Variants in ZYG11B observed in about 807,000 individuals in gnomAD.
ZYG11B encodes the protein zyg-11 family member B, cell cycle regulator.
ZYG11B carries 36 observed loss-of-function variants against 82.4 expected under a neutral mutation model. That is an observed-to-expected ratio of 0.44 (90% confidence interval 0.33 to 0.58). The LOEUF (loss-of-function observed/expected upper bound fraction) is 0.58. Among genes scored for constraint, ZYG11B ranks in the 20% least tolerant of loss-of-function variants. The pLI is 0.02. For synonymous variants in ZYG11B, 303 were observed against 312.8 expected, an observed-to-expected ratio of 0.97 and a Z score of 0.33; for missense variants, 552 against 895.6, an observed-to-expected ratio of 0.62 and a Z score of 4.90.
At chr1:52,744,877 G>T (rs1272093894) in intron 1 of ZYG11B, among the ~76,000 whole-genome samples, 1 of 152,082 alleles carries the variant, frequency 6.6e-6, no homozygotes, top group East Asian at 1.9e-4. Context: ...TCATTTTTGT[G>T]CCTCAGCTTT....
chr1:52,765,191 T>A (rs1644671720), intron 2 of ZYG11B, among the ~76,000 whole-genome samples: 1 of 151,208 alleles, frequency 6.6e-6, no homozygotes, highest in Admixed American at 6.6e-5. Context: ...CCAGCCTATC[T>A]TTTTTTTTAA....
chr1:52,801,746 G>A, intron 8 of ZYG11B, 73 bp from the exon 9 acceptor site: 1 of 1,256,044 alleles, frequency 8.0e-7, no homozygotes. Context: ...TCATGGACTT[G>A]GGGTTATTAA....
rs1414505919 is a variant in ZYG11B at position 52,822,537 on chromosome 1, TC to T, written c.*909del. On this transcript the variant is annotated 3_prime_UTR_variant, in exon 14 of 14. Transcript: ENST00000294353. ...TCCTCTATTTCAAAGTCATTTTTGTTCAGTGGAATAGAGACAGCAACATGGT... is the reference window on the plus strand; with the variant it reads ...TCCTCTATTTCAAAGTCATTTTTGTTAGTGGAATAGAGACAGCAACATGGT... 7.2e-5 allele frequency: 11 copies of T among 152,238 alleles called. No individual in the cohort carries two copies. The highest frequency in any genetic ancestry group is 1.3e-4 in the Non-Finnish European group (9 of 68,042). The allele number at this position is 152,238 out of a possible 1,614,324, so 9.4% of individuals were successfully genotyped here.
At chr1:52,754,082 G>C (rs1420154740) in intron 1 of ZYG11B, among the ~76,000 whole-genome samples, 1 of 149,654 alleles carries the variant, frequency 6.7e-6, no homozygotes, top group Non-Finnish European at 1.5e-5. Flanking sequence ...CTTGAGTGCA[G>C]TGGCACCATC....
intron 13 of ZYG11B, among the ~76,000 whole-genome samples, chr1:52,817,059 C>T (rs1206391974): frequency 6.6e-6 from 1 of 152,020 alleles, no homozygotes; most frequent in African/African-American, 2.4e-5. Context: ...GCCTAAGCCT[C>T]CCAAAGTGCT....
intron 1 of ZYG11B, among the ~76,000 whole-genome samples, chr1:52,753,495 T>C (rs1283391528): frequency 6.6e-6 from 1 of 151,644 alleles, no homozygotes; most frequent in Admixed American, 6.6e-5. Flanking sequence ...TCTTGGCTTA[T>C]TGCAATCTCC....
intron 1 of ZYG11B, among the ~76,000 whole-genome samples, chr1:52,739,763 G>A (rs1644409201): frequency 6.6e-6 from 1 of 151,658 alleles, no homozygotes; most frequent in South Asian, 2.1e-4. Context: ...CCACCCCCAT[G>A]CCTGGCTAAT....
At chr1:52,755,944 C>T (rs1242102290) in intron 1 of ZYG11B, among the ~76,000 whole-genome samples, 3 of 152,004 alleles carry the variant, frequency 2.0e-5, no homozygotes, top group Non-Finnish European at 2.9e-5. Flanking sequence ...GAACTACAGG[C>T]GTCCACCACC....
intron 1 of ZYG11B, among the ~76,000 whole-genome samples, chr1:52,746,184 C>A (rs1487682728): frequency 6.6e-6 from 1 of 151,452 alleles, no homozygotes; most frequent in Admixed American, 6.6e-5. Flanking sequence ...ATGGTCTCGA[C>A]CTCGTGATCC....
intron 8 of ZYG11B, among the ~76,000 whole-genome samples, chr1:52,797,399 A>G (rs1226476251): frequency 1.9e-5 from 2 of 104,704 alleles, no homozygotes; most frequent in African/African-American, 8.4e-5. Flanking sequence ...TATATCATAT[A>G]TGAAATATAT....
At chr1:52,743,262 G>A (rs1339236840) in intron 1 of ZYG11B, among the ~76,000 whole-genome samples, 5 of 151,702 alleles carry the variant, frequency 3.3e-5, no homozygotes, top group Admixed American at 1.3e-4. Context: ...CAAACACTGC[G>A]GAAGGCCGCA....
Position 52,803,169 on chromosome 1 carries a change from CACACATATATATATATAT to C in ZYG11B, c.1695+1048_1695+1065del, listed in dbSNP as rs1558140305. ...ATATATATATACACATATATATATA[CACACATATATATATATAT>C]ACACATATATATATATACACACACA... On this transcript the variant is annotated intron_variant, in intron 10 of 13. Transcript: ENST00000294353. Among the ~76,000 whole-genome samples, 185 of 33,788 alleles carry C rather than the reference CACACATATATATATATAT, an allele frequency of 5.5e-3. 6 individuals are homozygous for C. The highest frequency in any genetic ancestry group is 0.029 in the African/African-American group (175 of 6,062). 22.2% of individuals were successfully genotyped at this position (33,788 alleles called of 152,430 possible). A position where few individuals can be genotyped will look rare whatever the true frequency, so the allele number is the denominator to read the frequency against.
At chr1:52,767,437 T>G (rs1334945064) in intron 2 of ZYG11B, among the ~76,000 whole-genome samples, 2 of 152,144 alleles carry the variant, frequency 1.3e-5, no homozygotes, top group East Asian at 3.8e-4. Context: ...CCCAAGTAGC[T>G]GAGATTACAG....
rs1645201454 is a variant in ZYG11B, at chr1:52,813,598, C to T, written c.1758C>T (p.His586=). The change falls in exon 11 of 14, where the codon CAC becomes CAT. Residue 586 remains histidine, a synonymous_variant. Coordinates refer to ENST00000294353, the MANE Select transcript of ZYG11B (RefSeq NM_024646.3). ...SELMWKDFID[H]ISSLLHSVEV... ...TAATGTGGAAAGATTTTATAGACCA[C>T]ATCAGTAGTCTCCTACACAGTGTGG... is the stretch of plus-strand genomic sequence containing the variant. The T allele has an allele frequency of 1.2e-6, 2 of 1,613,786 alleles. No individual in the cohort carries two copies. The highest frequency in any genetic ancestry group is 2.2e-5 in the East Asian group (1 of 44,864).
At chr1:52,769,314 A>G (rs1644726315) in intron 2 of ZYG11B, among the ~76,000 whole-genome samples, 1 of 152,240 alleles carries the variant, frequency 6.6e-6, no homozygotes, top group Admixed American at 6.5e-5. Flanking sequence ...ACCGGTGGCC[A>G]CATAAAAAAA....
At chr1:52,732,424 C>T (rs182469136) in intron 1 of ZYG11B, among the ~76,000 whole-genome samples, 62 of 152,160 alleles carry the variant, frequency 4.1e-4, no homozygotes, top group Non-Finnish European at 4.1e-4. Flanking sequence ...TGTATCTCCC[C>T]CTATTATTAG....
chr1:52,804,022 T>G (rs1645120426), intron 10 of ZYG11B, among the ~76,000 whole-genome samples: 1 of 152,146 alleles, frequency 6.6e-6, no homozygotes, highest in South Asian at 2.1e-4. Flanking sequence ...AGAGAATTGC[T>G]TGAGCCTAGG....
At chr1:52,783,831 C>CGTATGTACATACACGTGT (rs1558132582) in intron 4 of ZYG11B, among the ~76,000 whole-genome samples, 4 of 72,488 alleles carry the variant, frequency 5.5e-5, no homozygotes, top group African/African-American at 1.0e-4. Context: ...TGTATACATA[C>CGTATGTACATACACGTGT]GTGTGTATAT....
chr1:52,782,077 A>G (rs1644861880), intron 4 of ZYG11B, among the ~76,000 whole-genome samples: 1 of 151,730 alleles, frequency 6.6e-6, no homozygotes, highest in South Asian at 2.1e-4. Flanking sequence ...TTATTTGTTT[A>G]TTTATTGAGG....
Sources: gnomAD v4.1 joint callset for allele counts (sites outside exome capture counted in the v4.1 genomes callset) on GRCh38, gnomAD v4.1.1 for gene constraint, MANE v1.5 for transcripts, NCBI Gene and HGNC (gene_info 2026-07-23, HGNC 2026-07-21) for gene names.